PDLIM5: variants seen among roughly 807,000 people sequenced by gnomAD.
The protein encoded by PDLIM5 is PDZ and LIM domain protein 5.
Under a neutral mutation model 64.2 loss-of-function variants are expected in PDLIM5, and 34 were observed. That is an observed-to-expected ratio of 0.53 (90% confidence interval 0.40 to 0.71). The LOEUF is 0.71. PDLIM5 is among the 30% of genes least tolerant of loss of function. The pLI, the probability that PDLIM5 is intolerant of heterozygous loss-of-function variation, is 0.00. For missense variants in PDLIM5, 683 were observed against 733.6 expected (o/e 0.93, Z 0.80); for synonymous variants, 253 against 269.1 (o/e 0.94, Z 0.59).
intron 7 of PDLIM5, among the ~76,000 whole-genome samples, chr4:94,613,856 T>C (rs896493242): frequency 6.6e-6 from 1 of 152,064 alleles, no homozygotes; most frequent in Non-Finnish European, 1.5e-5. Flanking sequence ...TAAGTAACAA[T>C]GCTATACTAT....
At chr4:94,585,434 C>T in intron 5 of PDLIM5, 131 bp from the exon 6 acceptor site, 1 of 598,264 alleles carries the variant, frequency 1.7e-6, no homozygotes, top group Non-Finnish European at 2.6e-6. Context: ...AATATACTTG[C>T]AAAGCAAACT....
chr4:94,532,591 C>G (rs1730986828), intron 3 of PDLIM5, among the ~76,000 whole-genome samples: 1 of 152,182 alleles, frequency 6.6e-6, no homozygotes, highest in African/African-American at 2.4e-5. Flanking sequence ...TTCCGGGTGG[C>G]AGACGCAGTT....
At chr4:94,615,255 A>G (rs1452298472) in intron 7 of PDLIM5, among the ~76,000 whole-genome samples, 3 of 152,206 alleles carry the variant, frequency 2.0e-5, no homozygotes, top group Admixed American at 6.5e-5. Flanking sequence ...CAAGATGCAT[A>G]AAGAAGTGAC....
intron 7 of PDLIM5, among the ~76,000 whole-genome samples, chr4:94,599,850 G>A (rs1396196646): frequency 6.6e-6 from 1 of 152,028 alleles, no homozygotes; most frequent in Non-Finnish European, 1.5e-5. Flanking sequence ...GTAATGAGGA[G>A]GACACTTGCT....
chr4:94,585,560 C>A lies in PDLIM5; in HGVS notation c.711-5C>A. Reference sequence around the variant, plus strand: ...TTTTAATTTTTTTTTTCTCCTTAACCCTAGCCCACCAAGAAAACACATTGT... The same window carrying A: ...TTTTAATTTTTTTTTTCTCCTTAACACTAGCCCACCAAGAAAACACATTGT... On this transcript the variant is annotated splice_polypyrimidine_tract_variant and splice_region_variant and intron_variant, in intron 5 of 12. Coordinates refer to ENST00000317968, the MANE Select transcript of PDLIM5 (RefSeq NM_006457.5). The A allele has an allele frequency of 1.3e-6, 2 of 1,563,780 alleles. No homozygotes were observed.
At chr4:94,579,486 G>T in intron 5 of PDLIM5, 1 of 1,151,958 alleles carries the variant, frequency 8.7e-7, no homozygotes, top group Admixed American at 2.3e-5. Flanking sequence ...AAAATGATGT[G>T]GTAGTAATAT....
chr4:94,642,204 G>A (rs1167854789), intron 9 of PDLIM5, among the ~76,000 whole-genome samples: 1 of 152,164 alleles, frequency 6.6e-6, no homozygotes, highest in Admixed American at 6.5e-5. Flanking sequence ...GGAGACAGGA[G>A]TCACTGCTGT....
Position 94,664,054 on chromosome 4 carries a change from C to T in PDLIM5, c.1778C>T (p.Ser593Phe). The change falls in exon 13 of 13, where the codon TCT becomes TTT. Residue 593 changes from serine (S) to phenylalanine (F), a missense_variant. Transcript: ENST00000317968. Reference protein sequence around the residue: ...DKPLCKKHAHSVNF With the variant: ...DKPLCKKHAHFVNF ...CCCCTGTGTAAGAAACATGCTCATT[C>T]TGTGAATTTTTGAAAGTCAACAGTT... 6.2e-7 allele frequency: 1 copy of T among 1,601,376 alleles called. No homozygotes were observed. Among genetic ancestry groups the T allele is most frequent in the Non-Finnish European group, 8.5e-7 (1 of 1,172,492 alleles).
intron 7 of PDLIM5, chr4:94,608,192 T>C (rs1423968360): frequency 5.3e-6 from 8 of 1,511,660 alleles, no homozygotes; most frequent in Non-Finnish European, 6.2e-6. Flanking sequence ...GACTCTTCCT[T>C]CTTGGTGTTT....
At chr4:94,474,558 A>G (rs1054184603) in intron 2 of PDLIM5, among the ~76,000 whole-genome samples, 4 of 152,038 alleles carry the variant, frequency 2.6e-5, no homozygotes, top group African/African-American at 7.2e-5. Context: ...GCCCATTTAC[A>G]CCTTTTGAAG....
intron 7 of PDLIM5, among the ~76,000 whole-genome samples, chr4:94,597,160 GA>G (rs538125431): frequency 3.0e-4 from 45 of 152,146 alleles, no homozygotes; most frequent in African/African-American, 1.0e-3. Context: ...TTTATAAGAA[GA>G]AAAAAATTGA....
At chr4:94,480,943 A>G (rs1343404779) in intron 2 of PDLIM5, among the ~76,000 whole-genome samples, 1 of 152,232 alleles carries the variant, frequency 6.6e-6, no homozygotes, top group Non-Finnish European at 1.5e-5. Flanking sequence ...TGTAAGAAGG[A>G]AATAATTATA....
chr4:94,573,416 A>G, intron 4 of PDLIM5, 23 bp downstream of exon 4: 1 of 1,583,198 alleles, frequency 6.3e-7, no homozygotes, highest in Non-Finnish European at 8.7e-7. Flanking sequence ...GCTAGCACCC[A>G]GAGTATCACT....
intron 11 of PDLIM5, among the ~76,000 whole-genome samples, chr4:94,658,789 G>A (rs1164172992): frequency 6.6e-6 from 1 of 152,114 alleles, no homozygotes; most frequent in Non-Finnish European, 1.5e-5. Flanking sequence ...GTACCCCATG[G>A]GCTGTTTTGG....
chr4:94,499,790 T>C (rs1198531627), intron 2 of PDLIM5, among the ~76,000 whole-genome samples: 1 of 152,176 alleles, frequency 6.6e-6, no homozygotes, highest in Non-Finnish European at 1.5e-5. Flanking sequence ...CATTAGATTC[T>C]CAGACCAGCA....
At chr4:94,465,314 C>T (rs114309533) in intron 2 of PDLIM5, among the ~76,000 whole-genome samples, 1,709 of 152,180 alleles carry the variant, frequency 0.011, 32 homozygotes, top group African/African-American at 0.04. Flanking sequence ...TCCCTTGTTA[C>T]TGTTTGGGTC....
chr4:94,600,721 G>A (rs1037547028), intron 7 of PDLIM5, among the ~76,000 whole-genome samples: 8 of 152,260 alleles, frequency 5.3e-5, no homozygotes, highest in South Asian at 4.1e-4. Context: ...AGGGCCAAAG[G>A]TTAGTGGTAA....
chr4:94,581,956 G>A (rs1036571025), intron 5 of PDLIM5, among the ~76,000 whole-genome samples: 2 of 152,142 alleles, frequency 1.3e-5, no homozygotes, highest in African/African-American at 2.4e-5. Context: ...CAGAGCTATG[G>A]AATTCCCACA....
chr4:94,484,536 A>G (rs966408376), intron 2 of PDLIM5, among the ~76,000 whole-genome samples: 55 of 152,208 alleles, frequency 3.6e-4, no homozygotes, highest in Admixed American at 2.8e-3. Flanking sequence ...ACTCTTTTAC[A>G]TGCATTCTTA....
Sources: gnomAD v4.1 joint callset for allele counts (sites outside exome capture counted in the v4.1 genomes callset) on GRCh38, gnomAD v4.1.1 for gene constraint, MANE v1.5 for transcripts, NCBI Gene and HGNC (gene_info 2026-07-23, HGNC 2026-07-21) for gene names.